OR52N4: variants seen among roughly 807,000 people sequenced by gnomAD.
OR52N4 encodes olfactory receptor 52N4.
In OR52N4, 15 loss-of-function variants were observed where a neutral mutation model predicts 15.0. The observed-to-expected ratio is 1.00, with a 90% confidence interval of 0.67 to 1.54. The LOEUF is 1.54. Among genes scored for constraint, OR52N4 ranks in the 40% most tolerant of loss-of-function variants. The probability of loss-of-function intolerance (pLI) is 0.00; values close to 1 mark genes in which losing one functional copy is unlikely to be tolerated. For missense variants in OR52N4, 421 were observed against 394.0 expected, an observed-to-expected ratio of 1.07 and a Z score of -0.58; for synonymous variants, 143 against 143.7, an observed-to-expected ratio of 1.00 and a Z score of 0.03.
chr11:5,755,348 T>C lies in OR52N4; in HGVS notation c.608T>C (p.Met203Thr). ...AAGGTCAATGCCATCTATGGTCTGATGGTTGCCCTCCTGATTTGGGGCTTT... is the reference window on the plus strand; with the variant it reads ...AAGGTCAATGCCATCTATGGTCTGACGGTTGCCCTCCTGATTTGGGGCTTT... ...NVKVNAIYGL[M>T]VALLIWGFDI... The change falls in exon 2 of 2, where the codon ATG becomes ACG. Residue 203 changes from methionine to threonine, a missense_variant. Physicochemically the swap from Met to Thr is moderately conservative, Grantham distance 81. Transcript: ENST00000641350. 1.2e-6 allele frequency: 2 copies of C among 1,614,102 alleles called. No individual in the cohort carries two copies. The highest frequency in any genetic ancestry group is 2.2e-5 in the East Asian group (1 of 44,858).
chr11:5,755,795 C>A lies in OR52N4; in HGVS notation c.*89C>A. The stretch of plus-strand genomic sequence containing the variant: ...AGTTCATAAAATCTTTCTGGAAGCA[C>A]TGTATTGATCACAAAATGGAGTTTG... On this transcript the variant is annotated 3_prime_UTR_variant, in exon 2 of 2. Coordinates refer to ENST00000641350, the MANE Select transcript of OR52N4 (RefSeq NM_001005175.5). The A allele has an allele frequency of 7.0e-7, 1 of 1,422,378 alleles. No individual in the cohort carries two copies. Among genetic ancestry groups the A allele is most frequent in the Non-Finnish European group, 9.4e-7 (1 of 1,061,804 alleles). 88.1% of individuals were successfully genotyped at this position (1,422,378 alleles called of 1,614,324 possible).
At chr11:5,728,971 T>C in the OR52N4 span, among the ~76,000 whole-genome samples, 2 of 152,106 alleles carry the variant, frequency 1.3e-5, no homozygotes, top group Non-Finnish European at 2.9e-5. Flanking sequence ...ACATGAGCCA[T>C]GTTGGTGTGC....
the OR52N4 span, chr11:5,737,623 C>G: frequency 1.2e-6 from 1 of 807,624 alleles, no homozygotes; most frequent in Non-Finnish European, 1.8e-6. Context: ...ATTGTGAAAG[C>G]TTCAGAAAAG....
chr11:5,729,491 T>C, the OR52N4 span, among the ~76,000 whole-genome samples: 1 of 152,220 alleles, frequency 6.6e-6, no homozygotes, highest in Non-Finnish European at 1.5e-5. Context: ...AAATTACTTT[T>C]GTGTTCTCCA....
chr11:5,751,266 T>G (rs1854186163), upstream of OR52N4, among the ~76,000 whole-genome samples: 1 of 152,066 alleles, frequency 6.6e-6, no homozygotes, highest in Non-Finnish European at 1.5e-5. Flanking sequence ...GCATATATAA[T>G]TTTTAAAAAT....
At chr11:5,753,298 T>C (rs1395778282), upstream of OR52N4, among the ~76,000 whole-genome samples, 1 of 152,142 alleles carries the variant, frequency 6.6e-6, no homozygotes, top group African/African-American at 2.4e-5. Flanking sequence ...GTTCTTTTCA[T>C]TTTAGCTGTC....
In OR52N4 at chr11:5,755,814, G is replaced by T; in HGVS notation, c.*108G>T. ...GAAGCACTGTATTGATCACAAAATGGAGTTTGTTAACTGGTGCATTCTCAA... is the reference window on the plus strand; with the variant it reads ...GAAGCACTGTATTGATCACAAAATGTAGTTTGTTAACTGGTGCATTCTCAA... On this transcript the variant is annotated 3_prime_UTR_variant, in exon 2 of 2. Transcript: ENST00000641350. The T allele has an allele frequency of 7.6e-7, 1 of 1,311,328 alleles. No individual in the cohort carries two copies. The highest frequency in any genetic ancestry group is 1.0e-6 in the Non-Finnish European group (1 of 970,016). The allele number at this position is 1,311,328 out of a possible 1,614,324, so 81.2% of individuals were successfully genotyped here.
chr11:5,752,236 T>C (rs972864686), upstream of OR52N4, among the ~76,000 whole-genome samples: 4 of 152,188 alleles, frequency 2.6e-5, no homozygotes, highest in African/African-American at 9.7e-5. Context: ...AGTATAACTC[T>C]GACATTTTGT....
At chr11:5,731,250 G>C in the OR52N4 span, among the ~76,000 whole-genome samples, 2 of 152,154 alleles carry the variant, frequency 1.3e-5, no homozygotes, top group Non-Finnish European at 2.9e-5. Flanking sequence ...TGCAGTCTAA[G>C]CGCTCTAAGT....
chr11:5,743,166 C>T, the OR52N4 span, among the ~76,000 whole-genome samples: 1 of 97,628 alleles, frequency 1.0e-5, no homozygotes, highest in African/African-American at 3.8e-5. Flanking sequence ...CAATGTTAAT[C>T]AATTCAAGAA....
At chr11:5,753,535 C>T (rs12362750), upstream of OR52N4, among the ~76,000 whole-genome samples, 26,095 of 151,530 alleles carry the variant, frequency 0.17, 2,412 homozygotes, top group East Asian at 0.25. Flanking sequence ...TTCTAGTTTG[C>T]GTTGACTAGA....
At chr11:5,733,180 G>C in the OR52N4 span, among the ~76,000 whole-genome samples, 1 of 151,998 alleles carries the variant, frequency 6.6e-6, no homozygotes, top group Non-Finnish European at 1.5e-5. Context: ...CTTTTCAGTG[G>C]CTCCATATTG....
At chr11:5,727,510 T>C in the OR52N4 span, 18 of 152,260 alleles carry the variant, frequency 1.2e-4, no homozygotes, top group African/African-American at 4.1e-4. Flanking sequence ...AAAAAACCTT[T>C]TCAAGATAAT....
Position 5,755,121 on chromosome 11 carries a change from C to T in OR52N4, c.381C>T (p.Ala127=), listed in dbSNP as rs763125133. ...TTATGGCCCTGGATCGCTATGTGGC[C>T]ATCTGCTACCCCTTACGCTATTCAA... ...LMLMALDRYV[A]ICYPLRYSTI... Residue 127 remains alanine, a synonymous_variant, in exon 2 of 2, where the codon GCC becomes GCT. Coordinates refer to ENST00000641350, the MANE Select transcript of OR52N4 (RefSeq NM_001005175.5). 1.9e-6 allele frequency: 3 copies of T among 1,614,010 alleles called. No individual in the cohort carries two copies. Among genetic ancestry groups the T allele is most frequent in the Non-Finnish European group, 2.5e-6 (3 of 1,179,966 alleles).
Position 5,755,582 on chromosome 11 carries a change from A to G in OR52N4, c.842A>G (p.Asn281Ser), listed in dbSNP as rs151200695. ...IPPSCHIIVA[N>S]IYLLLPPTMN... ...CCTTCTTGCCACATCATTGTAGCCA[A>G]TATTTATCTGCTCCTACCACCCACT... Residue 281 changes from asparagine (N) to serine (S), a missense_variant, in exon 2 of 2, where the codon AAT (asparagine) becomes AGT (serine). Physicochemically the swap from Asn to Ser is conservative, Grantham distance 46 (BLOSUM62 1). Transcript: ENST00000641350. The G allele has an allele frequency of 1.7e-4, 269 of 1,613,862 alleles. 1 individual carries two copies. The African/African-American group carries it at 2.7e-3, about 16-fold the overall frequency.
upstream of OR52N4, among the ~76,000 whole-genome samples, chr11:5,751,677 T>C (rs1440320704): frequency 3.3e-5 from 5 of 152,274 alleles, no homozygotes; most frequent in Admixed American, 3.3e-4. Flanking sequence ...AAAATTGACA[T>C]TTATTGAGTA....
At chr11:5,733,018 T>C in the OR52N4 span, among the ~76,000 whole-genome samples, 2 of 152,196 alleles carry the variant, frequency 1.3e-5, no homozygotes, top group East Asian at 1.9e-4. Flanking sequence ...ATAACTTCTA[T>C]ATCCATCCAT....
chr11:5,737,576 A>C, the OR52N4 span: 2 of 1,225,020 alleles, frequency 1.6e-6, no homozygotes, highest in Non-Finnish European at 2.2e-6. Flanking sequence ...GTAAGTGAAT[A>C]CCTTTGGGAT....
At chr11:5,733,348 T>C in the OR52N4 span, among the ~76,000 whole-genome samples, 1 of 152,160 alleles carries the variant, frequency 6.6e-6, no homozygotes, top group Non-Finnish European at 1.5e-5. Context: ...AGACACATTG[T>C]TGTAACACTC....
Sources: gnomAD v4.1 joint callset for allele counts (sites outside exome capture counted in the v4.1 genomes callset) on GRCh38, gnomAD v4.1.1 for gene constraint, MANE v1.5 for transcripts, NCBI Gene and HGNC (gene_info 2026-07-23, HGNC 2026-07-21) for gene names.